Variants in RARB observed in about 807,000 individuals in gnomAD.
The protein encoded by RARB is HBV-activated protein.
In RARB, 17 loss-of-function variants were observed where a neutral mutation model predicts 51.9. The observed-to-expected ratio is 0.33, with a 90% CI of 0.22 to 0.49. The LOEUF (loss-of-function observed/expected upper bound fraction) is 0.49. Among genes scored for constraint, RARB ranks in the 20% least tolerant of loss-of-function variants. The pLI is 0.99. For synonymous variants in RARB, 215 were observed against 195.4 expected (o/e 1.10, Z -0.84); for missense variants, 369 against 550.8 (o/e 0.67, Z 3.30).
At chr3:24,965,457 AAAG>A (rs1394452723) in intron 2 of RARB, among the ~76,000 whole-genome samples, 2 of 152,190 alleles carry the variant, frequency 1.3e-5, no homozygotes, top group Non-Finnish European at 1.5e-5. Flanking sequence ...GGTAAAGCTA[AAAG>A]AAGAATAGAT....
chr3:25,321,636 G>C (rs1704572961), intron 5 of RARB, among the ~76,000 whole-genome samples: 1 of 151,968 alleles, frequency 6.6e-6, no homozygotes. Context: ...AGAATCACTT[G>C]AATCTGGGAG....
At chr3:25,223,997 T>C (rs1702001667) in intron 5 of RARB, among the ~76,000 whole-genome samples, 1 of 152,218 alleles carries the variant, frequency 6.6e-6, no homozygotes, top group South Asian at 2.1e-4. Flanking sequence ...CAAGGGTTTT[T>C]CTAAACACAT....
intron 3 of RARB, among the ~76,000 whole-genome samples, chr3:25,511,219 G>A (rs886853549): frequency 7.2e-5 from 11 of 151,982 alleles, no homozygotes; most frequent in Admixed American, 3.3e-4. Flanking sequence ...TGCAAGCTCC[G>A]CCTCCTGGGT....
At chr3:25,468,502 C>T (rs1695544876) in intron 2 of RARB, among the ~76,000 whole-genome samples, 1 of 150,888 alleles carries the variant, frequency 6.6e-6, no homozygotes, top group South Asian at 2.1e-4. Flanking sequence ...GGAACGTGGC[C>T]AAGGACACAC....
At chr3:24,923,595 A>G (rs1249955573) in intron 2 of RARB, among the ~76,000 whole-genome samples, 1 of 152,140 alleles carries the variant, frequency 6.6e-6, no homozygotes, top group Non-Finnish European at 1.5e-5. Context: ...AAAGGTAACA[A>G]GAATAAACCT....
chr3:24,989,551 C>G (rs1696866654), intron 2 of RARB, among the ~76,000 whole-genome samples: 1 of 108,690 alleles, frequency 9.2e-6, no homozygotes, highest in Non-Finnish European at 1.9e-5. Context: ...GAAATATCAT[C>G]TCCCCTTGAT....
chr3:25,469,748 C>T (rs1290892283), intron 2 of RARB, among the ~76,000 whole-genome samples: 1 of 152,110 alleles, frequency 6.6e-6, no homozygotes, highest in African/African-American at 2.4e-5. Flanking sequence ...AATCCCATTG[C>T]CTAAAAAATA....
chr3:25,366,105 G>A (rs7614710), intron 5 of RARB, among the ~76,000 whole-genome samples: 61,416 of 152,000 alleles, frequency 0.4, 12,878 homozygotes, highest in East Asian at 0.75. Flanking sequence ...CTTGCCATTC[G>A]TTCAAGGCCT....
At chr3:25,488,925 C>T (rs1163570338) in intron 2 of RARB, among the ~76,000 whole-genome samples, 1 of 152,120 alleles carries the variant, frequency 6.6e-6, no homozygotes, top group East Asian at 1.9e-4. Context: ...CTGTTTTTCC[C>T]CTTCTCTCCA....
At chr3:24,951,455 G>C (rs1695889186) in intron 2 of RARB, among the ~76,000 whole-genome samples, 1 of 152,190 alleles carries the variant, frequency 6.6e-6, no homozygotes, top group South Asian at 2.1e-4. Context: ...TTGTAATCCT[G>C]AGAGTGATGT....
At chr3:25,079,274 C>T (rs1490610630) in intron 3 of RARB, among the ~76,000 whole-genome samples, 5 of 152,120 alleles carry the variant, frequency 3.3e-5, no homozygotes, top group African/African-American at 1.2e-4. Flanking sequence ...TAATAAATAT[C>T]TTAGCCCTTG....
chr3:24,986,965 T>A (rs979024236), intron 2 of RARB, among the ~76,000 whole-genome samples: 26 of 114,044 alleles, frequency 2.3e-4, no homozygotes, highest in Admixed American at 1.4e-3. Flanking sequence ...CATTTAGATT[T>A]CAACGGTCGT....
In RARB at chr3:24,950,833, A is replaced by G. The variant is rs570904782; in HGVS notation, c.-380+92081A>G. On this transcript the variant is annotated intron_variant, in intron 2 of 11. Transcript: ENST00000383772. ...ATAATGTAGTGCAGTAATTTTTCAA[A>G]GTGTGGTCCCTGGGCCAGCACCATC... Among the ~76,000 whole-genome samples the G allele has an allele frequency of 5.9e-5, 9 of 152,322 alleles. No homozygotes were observed. In the South Asian group the frequency reaches 1.9e-3, roughly 32 times the overall value.
chr3:25,467,245 C>T (rs1409825951), intron 2 of RARB, among the ~76,000 whole-genome samples: 3 of 152,252 alleles, frequency 2.0e-5, no homozygotes, highest in African/African-American at 7.2e-5. Context: ...TATCAGTTAG[C>T]TTCTTCTGCT....
chr3:25,478,811 G>C (rs13072719), intron 2 of RARB, among the ~76,000 whole-genome samples: 14,102 of 152,244 alleles, frequency 0.093, 712 homozygotes, highest in Non-Finnish European at 0.11. Flanking sequence ...GCTTGCATCA[G>C]ATCATATCAC....
chr3:24,987,235 A>T (rs1371886315), intron 2 of RARB, among the ~76,000 whole-genome samples: 2 of 118,702 alleles, frequency 1.7e-5, no homozygotes, highest in Non-Finnish European at 3.5e-5. Context: ...CTGTATTTCA[A>T]AATCAACATC....
At chr3:25,568,713 T>C (rs1700592180) in intron 3 of RARB, among the ~76,000 whole-genome samples, 1 of 152,232 alleles carries the variant, frequency 6.6e-6, no homozygotes, top group East Asian at 1.9e-4. Flanking sequence ...GATTATGCCC[T>C]GGGTCATTTT....
At chr3:24,981,596 A>G (rs1174234350) in intron 2 of RARB, among the ~76,000 whole-genome samples, 3 of 151,678 alleles carry the variant, frequency 2.0e-5, no homozygotes, top group Admixed American at 6.5e-5. Flanking sequence ...CGAGCCAGGC[A>G]CAGGAGGGAA....
At chr3:24,900,192 T>A (rs1354284715) in intron 2 of RARB, among the ~76,000 whole-genome samples, 2 of 152,172 alleles carry the variant, frequency 1.3e-5, no homozygotes, top group African/African-American at 4.8e-5. Context: ...CTCCAAGGAT[T>A]GTGGTAAATG....
Sources: gnomAD v4.1 joint callset for allele counts (sites outside exome capture counted in the v4.1 genomes callset) on GRCh38, gnomAD v4.1.1 for gene constraint, MANE v1.5 for transcripts, NCBI Gene and HGNC (gene_info 2026-07-23, HGNC 2026-07-21) for gene names.